The following TOX2 variants were observed in gnomAD, a reference collection of about 807,000 sequenced individuals.
TOX2 encodes the protein TOX high mobility group box family member 2, also known as granulosa cell HMG box 1.
Under a neutral mutation model 47.4 loss-of-function variants are expected in TOX2, and 15 were observed. The ratio of observed to expected loss-of-function variants is 0.32; its 90% CI spans 0.21 to 0.49. The LOEUF (loss-of-function observed/expected upper bound fraction) is 0.49, where lower values mean the gene tolerates loss of function less well. Ranked by LOEUF, TOX2 falls within the 20% of genes least tolerant of loss-of-function variation. TOX2 has a pLI of 0.99. For synonymous variants in TOX2, 290 were observed against 296.6 expected, an observed-to-expected ratio of 0.98 and a Z score of 0.23; for missense variants, 622 against 673.1, an observed-to-expected ratio of 0.92 and a Z score of 0.84.
chr20:44,055,377 G>A (rs769961829), intron 5 of TOX2, among the ~76,000 whole-genome samples: 15 of 152,242 alleles, frequency 9.9e-5, no homozygotes, highest in Non-Finnish European at 2.2e-4. Flanking sequence ...CAGGTCACCA[G>A]GTGAGACCTG....
intron 2 of TOX2, among the ~76,000 whole-genome samples, chr20:44,004,607 G>A (rs529427147): frequency 1.3e-5 from 2 of 152,242 alleles, no homozygotes; most frequent in South Asian, 2.1e-4. Flanking sequence ...GACTGTAAAG[G>A]GTAGTCTAGG....
At chr20:44,029,656 T>G (rs1402790720) in intron 3 of TOX2, among the ~76,000 whole-genome samples, 1 of 152,160 alleles carries the variant, frequency 6.6e-6, no homozygotes, top group East Asian at 1.9e-4. Flanking sequence ...CATGGGGAAT[T>G]GCTGTGATGG....
At chr20:44,065,338 T>C (rs946977173) in intron 6 of TOX2, among the ~76,000 whole-genome samples, 6 of 152,148 alleles carry the variant, frequency 3.9e-5, no homozygotes, top group Non-Finnish European at 5.9e-5. Flanking sequence ...AGAGATGGCA[T>C]CCAAACTGGT....
chr20:43,981,711 T>C (rs1483063890), intron 2 of TOX2, among the ~76,000 whole-genome samples: 1 of 152,212 alleles, frequency 6.6e-6, no homozygotes, highest in African/African-American at 2.4e-5. Flanking sequence ...GAGATGAAAG[T>C]TGAAATGTGT....
chr20:44,058,260 G>A (rs868516833), intron 5 of TOX2, among the ~76,000 whole-genome samples: 117 of 152,294 alleles, frequency 7.7e-4, no homozygotes, highest in African/African-American at 2.7e-3. Context: ...AAATAAACTC[G>A]GTGCTGTTGG....
At chr20:44,046,415 TA>T (rs1214710699) in intron 3 of TOX2, among the ~76,000 whole-genome samples, 1 of 152,120 alleles carries the variant, frequency 6.6e-6, no homozygotes, top group Non-Finnish European at 1.5e-5. Flanking sequence ...TCTTAAAAAT[TA>T]AAAAACAGAA....
At chr20:44,008,738 C>T (rs1417131494) in intron 3 of TOX2, among the ~76,000 whole-genome samples, 5 of 152,106 alleles carry the variant, frequency 3.3e-5, no homozygotes, top group Admixed American at 2.0e-4. Flanking sequence ...TTTAATATTA[C>T]GTACTAGTCA....
intron 1 of TOX2, among the ~76,000 whole-genome samples, chr20:43,968,881 T>C (rs1287520844): frequency 6.6e-6 from 1 of 152,216 alleles, no homozygotes; most frequent in Non-Finnish European, 1.5e-5. Context: ...TTTTAAAGCA[T>C]AGGGAAGGCT....
At chr20:44,026,348 G>A (rs1369762314) in intron 3 of TOX2, among the ~76,000 whole-genome samples, 1 of 149,918 alleles carries the variant, frequency 6.7e-6, no homozygotes, top group African/African-American at 2.5e-5. Flanking sequence ...ATTATTCTAA[G>A]TGAAGTAACT....
intron 1 of TOX2, among the ~76,000 whole-genome samples, chr20:43,921,374 G>A (rs920795189): frequency 6.6e-6 from 1 of 152,180 alleles, no homozygotes; most frequent in East Asian, 1.9e-4. Flanking sequence ...CTGGAACCTG[G>A]CAGACTTGGG....
chr20:44,065,742 A>G lies in TOX2; in HGVS notation c.991A>G (p.Thr331Ala). Residue 331 changes from threonine to alanine, a missense_variant, in exon 7 of 9, where the codon ACT becomes GCT. Thr to Ala is a moderately conservative substitution (Grantham distance 58). Around this residue, in one of 3 missense-constraint regions of TOX2, gnomAD observed 294 missense variants for 300.0 expected, o/e 0.98. Coordinates refer to ENST00000341197, the MANE Select transcript of TOX2 (RefSeq NM_001098797.2). ...CCCAGATCAAGGTGAGACCAAGAGC[A>G]CTCAGGCAAACCCACCAGCCAAAAT... Reference protein sequence around the residue: ...SSPDQGETKSTQANPPAKMLP... With the variant: ...SSPDQGETKSAQANPPAKMLP... 2 of 1,602,038 alleles carry G rather than the reference A, an allele frequency of 1.2e-6. No individual in the cohort carries two copies. The highest frequency in any genetic ancestry group is 1.7e-6 in the Non-Finnish European group (2 of 1,171,346).
Position 44,018,373 on chromosome 20 carries a change from C to G in TOX2, c.411+11581C>G, listed in dbSNP as rs528105335. 1.8e-3 allele frequency among the ~76,000 whole-genome samples: 271 copies of G among 152,304 alleles called. 1 individual carries two copies. The highest frequency in any genetic ancestry group is 6.3e-3 in the African/African-American group (262 of 41,564). ...CCTAACAGGGTATGAACTCTGAGAG[C>G]TGCTCCTGAGTCATGAGGGAGAATT... On this transcript the variant is annotated intron_variant, in intron 3 of 8. Transcript: ENST00000341197.
intron 2 of TOX2, among the ~76,000 whole-genome samples, chr20:43,990,613 G>A (rs907805349): frequency 1.3e-5 from 2 of 152,206 alleles, no homozygotes; most frequent in African/African-American, 4.8e-5. Flanking sequence ...GTGTTTGGGG[G>A]CTACAGTGAG....
chr20:43,928,997 A>AAAC (rs1555829659), intron 1 of TOX2, among the ~76,000 whole-genome samples: 15 of 149,656 alleles, frequency 1.0e-4, no homozygotes, highest in African/African-American at 3.3e-4. Context: ...AAAAAAAAAA[A>AAAC]AACAACAACA....
rs763801037 is a variant in TOX2 at position 44,051,359 on chromosome 20, G to A, written c.465G>A (p.Gly155=). Residue 155 remains glycine (G), a synonymous_variant, in exon 4 of 9, where the codon GGG becomes GGA. Transcript: ENST00000341197. Reference sequence around the variant, plus strand: ...CTGCCTATGACTCGGGCCGGCCCGGGCCCCTGCTGGGTCGCCCGGCAATGC... The same window carrying A: ...CTGCCTATGACTCGGGCCGGCCCGGACCCCTGCTGGGTCGCCCGGCAATGC... ...EVAAYDSGRP[G]PLLGRPAMLA... The A allele has an allele frequency of 1.1e-5, 18 of 1,613,760 alleles. No individual in the cohort carries two copies. Among genetic ancestry groups the A allele is most frequent in the Non-Finnish European group, 1.4e-5 (17 of 1,179,772 alleles).
At chr20:43,962,122 C>T (rs1483052970) in intron 1 of TOX2, among the ~76,000 whole-genome samples, 1 of 152,216 alleles carries the variant, frequency 6.6e-6, no homozygotes, top group East Asian at 1.9e-4. Flanking sequence ...TTAAATGGAG[C>T]TGAGAGAGAG....
intron 3 of TOX2, among the ~76,000 whole-genome samples, chr20:44,030,742 G>A (rs8120602): frequency 6.6e-6 from 1 of 152,158 alleles, no homozygotes; most frequent in Non-Finnish European, 1.5e-5. Context: ...ATAGCAGATA[G>A]TTAATAAATA....
chr20:43,920,162 C>G (rs1271456532), intron 1 of TOX2, among the ~76,000 whole-genome samples: 1 of 152,216 alleles, frequency 6.6e-6, no homozygotes, highest in Non-Finnish European at 1.5e-5. Context: ...GAATTCTGCC[C>G]AGCACCTGGC....
intron 3 of TOX2, among the ~76,000 whole-genome samples, chr20:44,037,605 A>G (rs2071261419): frequency 6.6e-6 from 1 of 152,164 alleles, no homozygotes; most frequent in African/African-American, 2.4e-5. Flanking sequence ...GAGTGCTTCC[A>G]TCAAAGATTT....
Sources: gnomAD v4.1 joint callset for allele counts (sites outside exome capture counted in the v4.1 genomes callset) on GRCh38, gnomAD v4.1.1 for gene constraint, gnomAD v4.1.1 regional missense constraint, MANE v1.5 for transcripts, NCBI Gene and HGNC (gene_info 2026-07-23, HGNC 2026-07-21) for gene names.